Variants in CNTNAP3B observed in about 807,000 individuals in gnomAD.
CNTNAP3B encodes the protein contactin associated protein family member 3B, also known as contactin-associated protein-like 3B.
A neutral mutation model predicts 108.9 loss-of-function variants in CNTNAP3B; 25 were observed. That is an observed-to-expected ratio of 0.23 (90% CI 0.17 to 0.32). CNTNAP3B has a LOEUF of 0.32. Ranked by LOEUF, CNTNAP3B falls within the 10% of genes least tolerant of loss-of-function variation. The pLI, the probability that CNTNAP3B is intolerant of heterozygous loss-of-function variation, is 1.00. For synonymous variants in CNTNAP3B, 103 were observed against 473.4 expected, an observed-to-expected ratio of 0.22 and a Z score of 10.16; for missense variants, 252 against 1,210.4, an observed-to-expected ratio of 0.21 and a Z score of 11.75.
intron 15 of CNTNAP3B, among the ~76,000 whole-genome samples, chr9:41,927,372 T>G (rs1316273898): frequency 1.6e-5 from 2 of 127,296 alleles, no homozygotes; most frequent in African/African-American, 6.0e-5. Context: ...ACAGAAACAG[T>G]GCAAACATAC....
At chr9:41,925,389 C>T (rs1236635323) in intron 15 of CNTNAP3B, among the ~76,000 whole-genome samples, 4 of 152,178 alleles carry the variant, frequency 2.6e-5, no homozygotes, top group East Asian at 1.9e-4. Context: ...GTCAGGAGAT[C>T]CAGACCATCC....
chr9:41,924,744 G>A (rs1348336720), intron 15 of CNTNAP3B, among the ~76,000 whole-genome samples: 1 of 152,040 alleles, frequency 6.6e-6, no homozygotes, highest in African/African-American at 2.4e-5. Flanking sequence ...AAGCTTATTT[G>A]TTCCCTTCTG....
At chr9:42,109,525 G>A (rs1403634376) in intron 1 of CNTNAP3B, among the ~76,000 whole-genome samples, 2 of 147,598 alleles carry the variant, frequency 1.4e-5, no homozygotes, top group Non-Finnish European at 3.0e-5. Context: ...AAAAGGAGGG[G>A]CGACAACTGA....
chr9:41,967,152 C>T (rs1402135735), intron 10 of CNTNAP3B, among the ~76,000 whole-genome samples: 9 of 150,452 alleles, frequency 6.0e-5, no homozygotes, highest in African/African-American at 2.2e-4. Flanking sequence ...TATGTTTCTA[C>T]TTTGTGAGTT....
At chr9:42,002,935 G>C (rs1826029984) in intron 4 of CNTNAP3B, among the ~76,000 whole-genome samples, 1 of 127,140 alleles carries the variant, frequency 7.9e-6, no homozygotes, top group African/African-American at 3.2e-5. Context: ...TGCCCATGCT[G>C]TAGTGCAGTG....
chr9:42,019,632 G>A (rs201670128), intron 3 of CNTNAP3B, among the ~76,000 whole-genome samples: 3,921 of 147,556 alleles, frequency 0.027, 23 homozygotes, highest in East Asian at 0.24. Flanking sequence ...ATGGTGGCGT[G>A]CCCCTGTAGT....
intron 2 of CNTNAP3B, among the ~76,000 whole-genome samples, chr9:42,086,199 A>G (rs1349919667): frequency 7.0e-6 from 1 of 142,836 alleles, no homozygotes; most frequent in Non-Finnish European, 1.5e-5. Context: ...AAACCATCAG[A>G]CCTTGTGAGA....
chr9:41,950,957 G>A (rs568211825), intron 13 of CNTNAP3B, among the ~76,000 whole-genome samples: 577 of 141,698 alleles, frequency 4.1e-3, no homozygotes, highest in Middle Eastern at 7.0e-3. Context: ...GGGTTTCATC[G>A]TGTTAGCCAG....
intron 14 of CNTNAP3B, among the ~76,000 whole-genome samples, chr9:41,931,282 T>A (rs1198281493): frequency 6.6e-6 from 1 of 152,042 alleles, no homozygotes; most frequent in African/African-American, 2.4e-5. Context: ...ATCAGGGTAA[T>A]TGGGATATCC....
chr9:41,966,392 C>G (rs1190282021), intron 10 of CNTNAP3B, among the ~76,000 whole-genome samples: 1 of 152,298 alleles, frequency 6.6e-6, no homozygotes, highest in Non-Finnish European at 1.5e-5. Flanking sequence ...TTTTCTTCAA[C>G]TAAACACAAC....
chr9:42,099,281 A>G (rs1326752780), intron 2 of CNTNAP3B, among the ~76,000 whole-genome samples: 3 of 123,290 alleles, frequency 2.4e-5, no homozygotes, highest in African/African-American at 9.9e-5. Flanking sequence ...GGCAGTTTCC[A>G]CAGTGACCCA....
chr9:41,948,532 T>A (rs1325431907), intron 13 of CNTNAP3B, among the ~76,000 whole-genome samples: 2 of 148,046 alleles, frequency 1.4e-5, no homozygotes, highest in African/African-American at 2.5e-5. Flanking sequence ...ATAAAGACAA[T>A]ATGAAAAAAG....
Position 41,986,314 on chromosome 9 carries a change from G to A in CNTNAP3B, c.1334-3C>T. On this transcript the variant is annotated splice_polypyrimidine_tract_variant and splice_region_variant and intron_variant, in intron 8 of 23. Coordinates refer to ENST00000377561, the MANE Select transcript of CNTNAP3B (RefSeq NM_001201380.3). ...CTGCCCATCGTTTAATCCAGCACCT[G>A]GAGGAAATACAATCAGTCAGAGACA... The A allele has an allele frequency of 1.9e-5, 21 of 1,116,832 alleles. 5 individuals are homozygous for A. The highest frequency in any genetic ancestry group is 2.2e-5 in the Non-Finnish European group (18 of 826,682). The allele number at this position is 1,116,832 out of a possible 1,614,324, so 69.2% of individuals were successfully genotyped here.
intron 1 of CNTNAP3B, among the ~76,000 whole-genome samples, chr9:42,109,028 G>C (rs1316687469): frequency 7.2e-6 from 1 of 138,958 alleles, no homozygotes; most frequent in Non-Finnish European, 1.5e-5. Flanking sequence ...AAATCAATTT[G>C]AGGAATTGCC....
At chr9:42,075,229 T>C (rs1164267846) in intron 3 of CNTNAP3B, among the ~76,000 whole-genome samples, 1 of 146,872 alleles carries the variant, frequency 6.8e-6, no homozygotes, top group Non-Finnish European at 1.5e-5. Flanking sequence ...CCTGACTACA[T>C]TTTAACTTGA....
rs1249684058 is a variant in CNTNAP3B, at chr9:42,127,073, C to T, written c.85+1937G>A. ...AATTATTATAGTTACATAGTTTTAT[C>T]TGGAAGAATTACTTGATCTAAAAGG... On this transcript the variant is annotated intron_variant, in intron 1 of 23. Coordinates refer to ENST00000377561, the MANE Select transcript of CNTNAP3B (RefSeq NM_001201380.3). Among the ~76,000 whole-genome samples, 2 of 138,954 alleles carry T rather than the reference C, an allele frequency of 1.4e-5. 1 individual carries two copies. The highest frequency in any genetic ancestry group is 3.1e-5 in the Non-Finnish European group (2 of 64,908). The allele number at this position is 138,954 out of a possible 152,430, so 91.2% of individuals were successfully genotyped here.
chr9:42,088,883 C>T (rs553768111), intron 2 of CNTNAP3B, among the ~76,000 whole-genome samples: 1 of 139,786 alleles, frequency 7.2e-6, no homozygotes, highest in Non-Finnish European at 1.5e-5. Context: ...AGCTTCTGAC[C>T]TATAAACTAA....
intron 2 of CNTNAP3B, among the ~76,000 whole-genome samples, chr9:42,097,069 ATG>A (rs2118684063): frequency 7.2e-6 from 1 of 139,798 alleles, no homozygotes; most frequent in African/African-American, 2.8e-5. Context: ...GAAGTTTTTG[ATG>A]TTAGGTGTGC....
At chr9:41,917,292 C>T (rs1341882471) in intron 18 of CNTNAP3B, among the ~76,000 whole-genome samples, 1 of 144,088 alleles carries the variant, frequency 6.9e-6, no homozygotes, top group Non-Finnish European at 1.5e-5. Flanking sequence ...ATTCTTTTTT[C>T]TTTTCTCTGT....
Sources: gnomAD v4.1 joint callset for allele counts (sites outside exome capture counted in the v4.1 genomes callset) on GRCh38, gnomAD v4.1.1 for gene constraint, MANE v1.5 for transcripts, NCBI Gene and HGNC (gene_info 2026-07-23, HGNC 2026-07-21) for gene names.